Variants in KIAA1671 observed in about 807,000 individuals in gnomAD.
The protein encoded by KIAA1671 is KIAA1671.
In KIAA1671, 52 loss-of-function variants were observed where a neutral mutation model predicts 131.2. That is an observed-to-expected ratio of 0.40 (90% CI 0.32 to 0.50). The LOEUF (loss-of-function observed/expected upper bound fraction) is 0.50. Among genes scored for constraint, KIAA1671 ranks in the 20% least tolerant of loss-of-function variants. The pLI is 0.73. For synonymous variants in KIAA1671, 1,003 were observed against 961.6 expected, an observed-to-expected ratio of 1.04 and a Z score of -0.80; for missense variants, 2,360 against 2,364.2, an observed-to-expected ratio of 1.00 and a Z score of 0.04.
intron 6 of KIAA1671, among the ~76,000 whole-genome samples, chr22:25,132,459 A>G (rs1363042341): frequency 6.6e-6 from 1 of 152,190 alleles, no homozygotes; most frequent in East Asian, 1.9e-4. Flanking sequence ...CAGATCTGCC[A>G]GTTACCTCCT....
At chr22:25,183,222 C>T (rs939615650) in intron 10 of KIAA1671, among the ~76,000 whole-genome samples, 1 of 152,226 alleles carries the variant, frequency 6.6e-6, no homozygotes, top group Non-Finnish European at 1.5e-5. Flanking sequence ...GTATGCCATG[C>T]AGGCCACACA....
intron 6 of KIAA1671, chr22:25,052,409 C>A (rs982365933): frequency 3.3e-5 from 5 of 152,220 alleles, no homozygotes; most frequent in African/African-American, 1.2e-4. Flanking sequence ...CCACTCAGGG[C>A]CTCACTTTTC....
intron 1 of KIAA1671, among the ~76,000 whole-genome samples, chr22:24,992,814 CAAAAAAAAA>C (rs761181079): frequency 3.5e-5 from 2 of 57,382 alleles, no homozygotes; most frequent in South Asian, 2.3e-3. Context: ...GACTCCGTCT[CAAAAAAAAA>C]AAAAAAAAAA....
At chr22:24,973,857 C>A (rs1922770612) in intron 1 of KIAA1671, among the ~76,000 whole-genome samples, 1 of 152,096 alleles carries the variant, frequency 6.6e-6, no homozygotes. Flanking sequence ...AAATGAATGA[C>A]TAATAAGGTC....
intron 6 of KIAA1671, among the ~76,000 whole-genome samples, chr22:25,071,236 C>T (rs1281843395): frequency 5.3e-5 from 8 of 152,208 alleles, no homozygotes. Flanking sequence ...GGTTTCAGCA[C>T]ACCCAAAAGG....
rs568992339 is a variant in KIAA1671 at position 24,974,953 on chromosome 22, C to G, written c.-208+22181C>G. Among the ~76,000 whole-genome samples, 122 of 152,194 alleles carry G rather than the reference C, an allele frequency of 8.0e-4. 1 individual carries two copies. In the South Asian group the frequency reaches 0.025, roughly 31 times the overall value. On this transcript the variant is annotated intron_variant, in intron 1 of 12. Transcript: ENST00000358431. ...AGGTGATCCATCCGCCTCGGCCTCC[C>G]AAAGTGCTGGGATTACAGGCGTGAG...
intron 1 of KIAA1671, among the ~76,000 whole-genome samples, chr22:24,960,419 G>A (rs111456237): frequency 0.014 from 2,077 of 151,368 alleles, 53 homozygotes; most frequent in African/African-American, 0.048. Flanking sequence ...GGTGGCACGC[G>A]CCTGTAATCC....
chr22:25,173,248 C>T (rs1933911255), intron 7 of KIAA1671, among the ~76,000 whole-genome samples: 1 of 152,022 alleles, frequency 6.6e-6, no homozygotes, highest in South Asian at 2.1e-4. Context: ...GCCCTTCCTC[C>T]AATTCGACAT....
intron 7 of KIAA1671, among the ~76,000 whole-genome samples, chr22:25,173,220 A>G (rs772444586): frequency 4.0e-5 from 6 of 151,778 alleles, no homozygotes; most frequent in Middle Eastern, 3.4e-3. Flanking sequence ...CCATTATCCA[A>G]TCACTTCCCC....
chr22:25,181,742 G>A lies in KIAA1671; in HGVS notation c.5118G>A (p.Thr1706=), dbSNP rs569953303. 2.1e-4 allele frequency: 329 copies of A among 1,551,604 alleles called. 1 individual carries two copies. Among genetic ancestry groups the A allele is most frequent in the Admixed American group, 7.5e-4 (38 of 50,988 alleles). Residue 1706 remains threonine, a synonymous_variant, in exon 10 of 13, where the codon ACG becomes ACA. Transcript: ENST00000358431. ...AGGAGGAGTCGGATGAGGAGGAGAC[G>A]GCATCCAAAGCTGAGAGGACCCCTG... ...PRKEESDEEE[T]ASKAERTPVS... is the part of the protein sequence containing the mutation.
At chr22:25,162,435 A>G (rs904657769) in intron 6 of KIAA1671, among the ~76,000 whole-genome samples, 1 of 152,128 alleles carries the variant, frequency 6.6e-6, no homozygotes, top group Non-Finnish European at 1.5e-5. Context: ...CACTGCCCTG[A>G]CTCAGGGTTC....
chr22:25,139,902 TTAGAAAGC>T (rs1932781966), intron 6 of KIAA1671, among the ~76,000 whole-genome samples: 1 of 152,152 alleles, frequency 6.6e-6, no homozygotes, highest in Non-Finnish European at 1.5e-5. Context: ...TTGGCTTACT[TTAGAAAGC>T]ACATGGAGGT....
intron 6 of KIAA1671, among the ~76,000 whole-genome samples, chr22:25,142,226 A>G: frequency 6.6e-6 from 1 of 152,138 alleles, no homozygotes; most frequent in East Asian, 1.9e-4. Context: ...AGCAACAGGA[A>G]ATCCATCCTG....
In KIAA1671 at chr22:25,185,051, C is replaced by T. The variant is rs1321002618; in HGVS notation, c.5274C>T (p.Pro1758=). 6.4e-7 allele frequency: 1 copy of T among 1,551,670 alleles called. No individual in the cohort carries two copies. Among genetic ancestry groups the T allele is most frequent in the Admixed American group, 2.0e-5 (1 of 51,004 alleles). ...GCTGGGCACCCCAACCCAAGAGCCC[C>T]AAGTCCCCCTTCCAGCCTGGGGTGC... ...TPSWAPQPKS[P]KSPFQPGVLG... The change falls in exon 11 of 13, where the codon CCC becomes CCT. Residue 1758 remains proline (P), a synonymous_variant. Coordinates refer to ENST00000358431, the MANE Select transcript of KIAA1671 (RefSeq NM_001145206.2).
intron 1 of KIAA1671, among the ~76,000 whole-genome samples, chr22:24,974,941 G>A (rs763345728): frequency 1.3e-4 from 20 of 151,886 alleles, no homozygotes; most frequent in Non-Finnish European, 2.8e-4. Flanking sequence ...TGATCCATCC[G>A]CCTCGGCCTC....
In KIAA1671 at chr22:25,039,457, A is replaced by C; in HGVS notation, c.2327A>C (p.Glu776Ala). 3 of 1,551,788 alleles carry C rather than the reference A, an allele frequency of 1.9e-6. No homozygotes were observed. The South Asian group carries it at 3.6e-5, about 18-fold the overall frequency. Residue 776 changes from glutamate (E) to alanine (A), a missense_variant, in exon 5 of 13, where the codon GAG (glutamate) becomes GCG (alanine). By Grantham distance (107) the Glu-to-Ala change is moderately radical. Around this residue, in one of 3 missense-constraint regions of KIAA1671, gnomAD observed 1,185 missense variants for 1,126.2 expected, o/e 1.05. Coordinates refer to ENST00000358431, the MANE Select transcript of KIAA1671 (RefSeq NM_001145206.2). ...CTGAAGGACAGGCAGCTGTCCCAGG[A>C]GGTCACCCCTGCTGACCTGGAGTGT... ...LSLKDRQLSQ[E>A]VTPADLECGL...
At chr22:25,101,711 G>A (rs1336086909) in intron 6 of KIAA1671, among the ~76,000 whole-genome samples, 1 of 152,034 alleles carries the variant, frequency 6.6e-6, no homozygotes, top group Non-Finnish European at 1.5e-5. Flanking sequence ...AGTCTCCCAA[G>A]AAGGATGTTT....
At chr22:25,169,515 C>T (rs1274501415) in intron 6 of KIAA1671, among the ~76,000 whole-genome samples, 1 of 152,032 alleles carries the variant, frequency 6.6e-6, no homozygotes, top group Non-Finnish European at 1.5e-5. Flanking sequence ...TGCCAACGGC[C>T]CATCCAAGGA....
chr22:25,101,841 C>T (rs1170860626), intron 6 of KIAA1671, among the ~76,000 whole-genome samples: 1 of 152,146 alleles, frequency 6.6e-6, no homozygotes, highest in Non-Finnish European at 1.5e-5. Flanking sequence ...CTGCCGCCCA[C>T]AGGCTCGGGA....
Sources: allele counts gnomAD v4.1 joint callset (sites outside exome capture counted in the v4.1 genomes callset), GRCh38; gene constraint gnomAD v4.1.1; regional missense constraint gnomAD v4.1.1; transcripts MANE v1.5; gene names NCBI Gene and HGNC (gene_info 2026-07-23, HGNC 2026-07-21).